The following UPB1 variants were observed in gnomAD, a reference collection of about 807,000 sequenced individuals.
UPB1 encodes the protein beta-ureidopropionase.
In UPB1, 40 loss-of-function variants were observed where a neutral mutation model predicts 49.1. That is an observed-to-expected ratio of 0.81 (90% CI 0.63 to 1.06). The LOEUF (loss-of-function observed/expected upper bound fraction) is 1.06. Among genes scored for constraint, UPB1 ranks in the 50% least tolerant of loss-of-function variants. UPB1 has a pLI of 0.00. For missense variants in UPB1, 499 were observed against 505.9 expected (o/e 0.99, Z 0.13); for synonymous variants, 207 against 198.2 (o/e 1.04, Z -0.38).
intron 8 of UPB1, 134 bp downstream of exon 8, chr22:24,522,162 T>C: frequency 9.6e-7 from 1 of 1,042,356 alleles, no homozygotes; most frequent in East Asian, 2.6e-5. Context: ...AGGCGCCAAT[T>C]CCTCTCTGCT....
rs201029672 is a variant in UPB1 at position 24,525,817 on chromosome 22, G to A, written c.*23G>A. 1.5e-3 allele frequency: 2,449 copies of A among 1,614,020 alleles called. 5 individuals are homozygous for A. Among genetic ancestry groups the A allele is most frequent in the Non-Finnish European group, 1.9e-3 (2,266 of 1,179,906 alleles). ...TAGCCGGCTTCAGTGCCTGCCTTGG[G>A]GTGAGGAAGACACCTCTGCCCCAGT... is the stretch of plus-strand genomic sequence containing the variant. On this transcript the variant is annotated 3_prime_UTR_variant, in exon 10 of 10. Transcript: ENST00000326010.
At chr22:24,513,612 G>A (rs1006729930) in intron 5 of UPB1, 127 bp downstream of exon 5, 50 of 1,327,636 alleles carry the variant, frequency 3.8e-5, no homozygotes, top group Non-Finnish European at 5.0e-5. Context: ...ACACTCCACG[G>A]GAGCACAGTG....
At chr22:24,514,212 T>C (rs1332265092) in intron 5 of UPB1, among the ~76,000 whole-genome samples, 2 of 151,932 alleles carry the variant, frequency 1.3e-5, no homozygotes, top group African/African-American at 2.4e-5. Flanking sequence ...AATGTGGGGG[T>C]CCTGGCCGTT....
chr22:24,515,937 C>T (rs2044286459), intron 6 of UPB1, among the ~76,000 whole-genome samples: 2 of 152,196 alleles, frequency 1.3e-5, no homozygotes, highest in Admixed American at 6.5e-5. Context: ...GATGGCACCA[C>T]TGCACTCCAG....
chr22:24,502,007 A>G, intron 2 of UPB1, 119 bp from the exon 3 acceptor site: 1 of 995,972 alleles, frequency 1.0e-6, no homozygotes, highest in South Asian at 1.3e-5. Context: ...GAACCTCCCC[A>G]CCCTACTCCT....
At chr22:24,502,059 G>A in intron 2 of UPB1, 67 bp from the exon 3 acceptor site, 6 of 1,536,776 alleles carry the variant, frequency 3.9e-6, no homozygotes, top group Non-Finnish European at 5.4e-6. Context: ...ATATGCATTA[G>A]GATGAGATCC....
At chr22:24,502,444 C>G (rs1007525038) in intron 3 of UPB1, 2 of 782,150 alleles carry the variant, frequency 2.6e-6, no homozygotes, top group Non-Finnish European at 4.8e-6. Context: ...TCGCTCCTCT[C>G]CATCTCTCTA....
chr22:24,502,582 C>G, intron 3 of UPB1: 2 of 765,542 alleles, frequency 2.6e-6, no homozygotes. Flanking sequence ...GCCCCCCCAT[C>G]TAAACATCCT....
At chr22:24,522,081 C>T in intron 8 of UPB1, 53 bp downstream of exon 8, 2 of 1,585,108 alleles carry the variant, frequency 1.3e-6, no homozygotes, top group Non-Finnish European at 1.7e-6. Flanking sequence ...CTTCCTCTCC[C>T]CTTCTCTGTC....
chr22:24,514,738 A>G (rs16978612), intron 5 of UPB1, among the ~76,000 whole-genome samples: 4,396 of 152,268 alleles, frequency 0.029, 113 homozygotes, highest in African/African-American at 0.064. Flanking sequence ...TGGGCGAGCT[A>G]TGCCCCCTCA....
intron 3 of UPB1, among the ~76,000 whole-genome samples, chr22:24,503,892 T>C (rs2044038823): frequency 6.6e-6 from 1 of 152,222 alleles, no homozygotes; most frequent in Non-Finnish European, 1.5e-5. Flanking sequence ...GCACCTTCCA[T>C]GAGAAGAACC....
At chr22:24,512,130 G>A (rs991495385) in intron 4 of UPB1, among the ~76,000 whole-genome samples, 1 of 150,392 alleles carries the variant, frequency 6.6e-6, no homozygotes, top group Non-Finnish European at 1.5e-5. Flanking sequence ...TTCTCAGGCT[G>A]TAGGGGAAAA....
At chr22:24,524,647 C>T (rs1448891987) in intron 9 of UPB1, among the ~76,000 whole-genome samples, 5 of 152,094 alleles carry the variant, frequency 3.3e-5, no homozygotes, top group South Asian at 2.1e-4. Context: ...CACCACCACA[C>T]CCAGCTAATT....
intron 5 of UPB1, among the ~76,000 whole-genome samples, chr22:24,514,172 G>T (rs1475010165): frequency 6.6e-6 from 1 of 152,162 alleles, no homozygotes; most frequent in East Asian, 1.9e-4. Flanking sequence ...CAGTTGTTCA[G>T]GATGTGATGT....
At chr22:24,514,120 A>G (rs1019176128) in intron 5 of UPB1, among the ~76,000 whole-genome samples, 1 of 152,150 alleles carries the variant, frequency 6.6e-6, no homozygotes, top group Non-Finnish European at 1.5e-5. Flanking sequence ...ACCTCTGCCT[A>G]ATGCCTAAGA....
rs1304038521 is a variant in UPB1 at position 24,513,455 on chromosome 22, C to A, written c.591C>A (p.Asn197Lys). 8 of 1,614,008 alleles carry A rather than the reference C, an allele frequency of 5.0e-6. No individual in the cohort carries two copies. Among genetic ancestry groups the A allele is most frequent in the Non-Finnish European group, 8.5e-7 (1 of 1,180,040 alleles). Residue 197 changes from asparagine to lysine, a missense_variant, in exon 5 of 10, where the codon AAC becomes AAA. Transcript: ENST00000326010. ...SGAVLGKTRK[N>K]HIPRVGDFNE... ...CAGTCCTGGGAAAGACCAGGAAAAA[C>A]CACATCCCCAGAGTGGGTGATTTCA...
At chr22:24,503,658 T>G (rs1460443436) in intron 3 of UPB1, 7 of 152,272 alleles carry the variant, frequency 4.6e-5, no homozygotes, top group Non-Finnish European at 8.8e-5. Context: ...TGCTGCTTCC[T>G]TTAAATGGAC....
At chr22:24,500,633 C>T (rs1056041133) in intron 2 of UPB1, among the ~76,000 whole-genome samples, 4 of 152,252 alleles carry the variant, frequency 2.6e-5, no homozygotes, top group Admixed American at 6.5e-5. Flanking sequence ...AGCCAGCACA[C>T]GCTGGTTGGG....
At chr22:24,509,361 G>GAGAA (rs2044150715) in intron 3 of UPB1, among the ~76,000 whole-genome samples, 2 of 92,158 alleles carry the variant, frequency 2.2e-5, no homozygotes, top group African/African-American at 9.4e-5. Context: ...CCTACTGTTT[G>GAGAA]AAAAAAAAAA....
Sources: gnomAD v4.1 joint callset for allele counts (sites outside exome capture counted in the v4.1 genomes callset) on GRCh38, gnomAD v4.1.1 for gene constraint, MANE v1.5 for transcripts, NCBI Gene and HGNC (gene_info 2026-07-23, HGNC 2026-07-21) for gene names.